MBNL2: variants seen among roughly 807,000 people sequenced by gnomAD.
MBNL2 encodes muscleblind like splicing regulator 2.
MBNL2 carries 17 observed loss-of-function variants against 41.9 expected under a neutral mutation model. The observed-to-expected ratio is 0.41, with a 90% CI of 0.28 to 0.61. MBNL2 has a LOEUF of 0.61. Among genes scored for constraint, MBNL2 ranks in the 20% least tolerant of loss-of-function variants. The pLI, the probability that MBNL2 is intolerant of heterozygous loss-of-function variation, is 0.35. For missense variants in MBNL2, 336 were observed against 505.6 expected, an observed-to-expected ratio of 0.66 and a Z score of 3.22; for synonymous variants, 195 against 182.9, an observed-to-expected ratio of 1.07 and a Z score of -0.53.
At chr13:97,172,572 G>T in the MBNL2 span, 17 of 152,280 alleles carry the variant, frequency 1.1e-4, no homozygotes, top group Middle Eastern at 3.4e-3. Flanking sequence ...ACACTCTTTA[G>T]ATATCAAGGA....
chr13:97,382,238 C>T (rs16954055), intron 8 of MBNL2, among the ~76,000 whole-genome samples: 19,758 of 152,234 alleles, frequency 0.13, 2,416 homozygotes, highest in African/African-American at 0.33. Context: ...CAGAGACAGC[C>T]ATGGCCTTGG....
At chr13:97,333,450 C>T (rs1448117604) in intron 2 of MBNL2, among the ~76,000 whole-genome samples, 1 of 152,160 alleles carries the variant, frequency 6.6e-6, no homozygotes, top group Non-Finnish European at 1.5e-5. Context: ...CACTATGTCA[C>T]ATCATGACAT....
rs1215447912 is a variant in MBNL2 at position 97,392,599 on chromosome 13, A to C, written c.*1150A>C. 6.6e-6 allele frequency: 1 copy of C among 152,382 alleles called. No homozygotes were observed. The highest frequency in any genetic ancestry group is 1.5e-5 in the Non-Finnish European group (1 of 67,946). 9.4% of individuals were successfully genotyped at this position (152,382 alleles called of 1,614,324 possible). ...ACATACATATATATACTATATATGG[A>C]TGAAACATATTTTAATGTTGTTTAC... On this transcript the variant is annotated 3_prime_UTR_variant, in exon 9 of 9. Transcript: ENST00000679496.
chr13:97,210,979 A>AGG, the MBNL2 span, among the ~76,000 whole-genome samples: 1 of 147,602 alleles, frequency 6.8e-6, no homozygotes, highest in African/African-American at 2.5e-5. Flanking sequence ...GGGTGGTGAA[A>AGG]GGGTAGCAGG....
chr13:97,313,621 C>CTTT (rs2058790890), intron 2 of MBNL2, among the ~76,000 whole-genome samples: 1 of 152,198 alleles, frequency 6.6e-6, no homozygotes, highest in Non-Finnish European at 1.5e-5. Flanking sequence ...GCTGCCTAAA[C>CTTT]AGCTGTTGAT....
chr13:97,208,752 C>T, the MBNL2 span, among the ~76,000 whole-genome samples: 51 of 152,152 alleles, frequency 3.4e-4, no homozygotes, highest in Non-Finnish European at 6.3e-4. Flanking sequence ...TCAACCCTAA[C>T]CTTAATCTAA....
At chr13:97,351,347 T>C (rs2062433141) in intron 5 of MBNL2, among the ~76,000 whole-genome samples, 1 of 152,208 alleles carries the variant, frequency 6.6e-6, no homozygotes, top group Admixed American at 6.5e-5. Context: ...TTCAGAATGG[T>C]AAATGAGCAT....
chr13:97,356,524 A>G (rs1289247111), intron 5 of MBNL2, among the ~76,000 whole-genome samples: 1 of 152,058 alleles, frequency 6.6e-6, no homozygotes, highest in Non-Finnish European at 1.5e-5. Context: ...TTACTCTCTT[A>G]TATGCTTTTA....
intron 1 of MBNL2, among the ~76,000 whole-genome samples, chr13:97,249,793 C>T (rs909249602): frequency 4.6e-5 from 7 of 152,260 alleles, no homozygotes; most frequent in Admixed American, 1.3e-4. Context: ...ATTGGGTGTA[C>T]TGTTTTGAGT....
chr13:97,299,650 A>G (rs1414826346), intron 2 of MBNL2, among the ~76,000 whole-genome samples: 1 of 112,382 alleles, frequency 8.9e-6, no homozygotes, highest in Non-Finnish European at 1.7e-5. Context: ...GAATTACTAT[A>G]TCTATCTATC....
At chr13:97,222,615 A>ACTAATTCAGT in intron 1 of MBNL2, 84 bp downstream of exon 1, 1 of 395,532 alleles carries the variant, frequency 2.5e-6, no homozygotes, top group Non-Finnish European at 4.5e-6. Flanking sequence ...TACGGGAGCC[A>ACTAATTCAGT]GGGAAACTGG....
chr13:97,157,293 G>C, the MBNL2 span, among the ~76,000 whole-genome samples: 6 of 142,690 alleles, frequency 4.2e-5, no homozygotes, highest in South Asian at 2.4e-4. Context: ...GGAGATTTTG[G>C]GCTGAGACAA....
Position 97,393,298 on chromosome 13 carries a change from TAA to T in MBNL2, c.*1851_*1852del, listed in dbSNP as rs2066431846. ...CTGTTTTTTTCTTTGTTAATTCATT[TAA>T]ACTCATTGAAAACATAGTATACATT... On this transcript the variant is annotated 3_prime_UTR_variant, in exon 9 of 9. Coordinates refer to ENST00000679496, the MANE Select transcript of MBNL2 (RefSeq NM_001382683.1). The T allele has an allele frequency of 6.6e-6, 1 of 152,448 alleles. No homozygotes were observed. The highest frequency in any genetic ancestry group is 1.5e-5 in the Non-Finnish European group (1 of 67,910). 9.4% of individuals were successfully genotyped at this position (152,448 alleles called of 1,614,324 possible). A position where few individuals can be genotyped will look rare whatever the true frequency, so the allele number is the denominator to read the frequency against.
chr13:97,353,493 C>A (rs74106936), intron 5 of MBNL2, among the ~76,000 whole-genome samples: 2 of 152,252 alleles, frequency 1.3e-5, no homozygotes, highest in South Asian at 4.2e-4. Flanking sequence ...CATATAGAAA[C>A]CCCAAGCATT....
intron 8 of MBNL2, among the ~76,000 whole-genome samples, chr13:97,382,178 A>C (rs1039579537): frequency 6.6e-6 from 1 of 152,206 alleles, no homozygotes; most frequent in African/African-American, 2.4e-5. Flanking sequence ...CCTAATTTTA[A>C]ACATATTCAA....
intron 3 of MBNL2, among the ~76,000 whole-genome samples, chr13:97,339,585 C>A (rs1021128595): frequency 6.6e-6 from 1 of 152,102 alleles, no homozygotes; most frequent in East Asian, 1.9e-4. Flanking sequence ...GTAGTTGGTG[C>A]GCTTCCAGGA....
At chr13:97,286,075 A>G (rs1448257927) in intron 2 of MBNL2, among the ~76,000 whole-genome samples, 1 of 152,166 alleles carries the variant, frequency 6.6e-6, no homozygotes, top group Non-Finnish European at 1.5e-5. Flanking sequence ...ACGACCATAA[A>G]CATTTCTAGA....
At chr13:97,312,258 T>C (rs1298000057) in intron 2 of MBNL2, among the ~76,000 whole-genome samples, 1 of 152,198 alleles carries the variant, frequency 6.6e-6, no homozygotes, top group African/African-American at 2.4e-5. Flanking sequence ...ACGGAAAACA[T>C]CATCTCAGTT....
At chr13:97,288,342 ATGTTACC>A (rs1223286233) in intron 2 of MBNL2, among the ~76,000 whole-genome samples, 1 of 152,220 alleles carries the variant, frequency 6.6e-6, no homozygotes, top group Non-Finnish European at 1.5e-5. Context: ...TGAAATCCAC[ATGTTACC>A]TGAGAGGACC....
Sources: allele counts gnomAD v4.1 joint callset (sites outside exome capture counted in the v4.1 genomes callset), GRCh38; gene constraint gnomAD v4.1.1; transcripts MANE v1.5; gene names NCBI Gene and HGNC (gene_info 2026-07-23, HGNC 2026-07-21).